Variants in NPAS3 observed in about 807,000 individuals in gnomAD.
NPAS3 encodes neuronal PAS domain-containing protein 3.
In NPAS3, 14 loss-of-function variants were observed where a neutral mutation model predicts 73.1. The ratio of observed to expected loss-of-function variants is 0.19; its 90% CI spans 0.13 to 0.30. NPAS3 has a LOEUF of 0.30. Ranked by LOEUF, NPAS3 falls within the 10% of genes least tolerant of loss-of-function variation. The pLI is 1.00. For synonymous variants in NPAS3, 620 were observed against 541.5 expected (o/e 1.14, Z -2.01); for missense variants, 1,096 against 1,250.0 (o/e 0.88, Z 1.86).
chr14:33,222,927 G>A (rs995069024), intron 3 of NPAS3, among the ~76,000 whole-genome samples: 7 of 152,166 alleles, frequency 4.6e-5, no homozygotes, highest in African/African-American at 7.2e-5. Flanking sequence ...TGGAGTAGGC[G>A]CTAGAAGCAG....
intron 9 of NPAS3, among the ~76,000 whole-genome samples, chr14:33,784,754 T>TTTATTTA (rs2063112465): frequency 1.6e-5 from 2 of 124,372 alleles, no homozygotes; most frequent in South Asian, 2.7e-4. Context: ...TATTTTTTTT[T>TTTATTTA]TTTTTTTTTT....
chr14:33,025,250 T>C (rs1372454106), intron 1 of NPAS3, among the ~76,000 whole-genome samples: 1 of 152,220 alleles, frequency 6.6e-6, no homozygotes, highest in Non-Finnish European at 1.5e-5. Flanking sequence ...TGCTACTGAC[T>C]GGTTGTAAGA....
intron 6 of NPAS3, among the ~76,000 whole-genome samples, chr14:33,694,951 C>T (rs1313005800): frequency 6.6e-6 from 1 of 152,126 alleles, no homozygotes; most frequent in African/African-American, 2.4e-5. Flanking sequence ...ATATGATGCC[C>T]TTGATAGCTT....
At chr14:33,456,292 GT>G (rs1474383158) in intron 4 of NPAS3, among the ~76,000 whole-genome samples, 1 of 152,170 alleles carries the variant, frequency 6.6e-6, no homozygotes, top group Non-Finnish European at 1.5e-5. Context: ...TGACAATCAA[GT>G]TTGTTATAAA....
intron 5 of NPAS3, among the ~76,000 whole-genome samples, chr14:33,577,921 C>T (rs556207860): frequency 2.0e-5 from 3 of 152,194 alleles, no homozygotes; most frequent in Non-Finnish European, 4.4e-5. Context: ...AATCCTCCCC[C>T]CAATTCCAAA....
intron 1 of NPAS3, among the ~76,000 whole-genome samples, chr14:33,049,242 G>A (rs1008976616): frequency 3.9e-5 from 6 of 152,174 alleles, no homozygotes; most frequent in African/African-American, 1.4e-4. Context: ...AGATACTGTG[G>A]TAAGTGTTTT....
chr14:33,083,052 G>A (rs758772750), intron 2 of NPAS3, among the ~76,000 whole-genome samples: 12 of 151,582 alleles, frequency 7.9e-5, no homozygotes, highest in Admixed American at 3.3e-4. Context: ...GTGTGGGGGC[G>A]TGTGCCTGTA....
chr14:33,465,186 G>A (rs1045617738), intron 4 of NPAS3, among the ~76,000 whole-genome samples: 18 of 151,658 alleles, frequency 1.2e-4, no homozygotes, highest in African/African-American at 4.4e-4. Flanking sequence ...TTTTTCCAAG[G>A]CAAAGTTTTC....
chr14:33,558,539 C>T (rs1169450102), intron 4 of NPAS3, among the ~76,000 whole-genome samples: 2 of 152,056 alleles, frequency 1.3e-5, no homozygotes, highest in African/African-American at 4.8e-5. Flanking sequence ...GGATTACAGG[C>T]ATGAGCCACT....
At chr14:33,731,607 C>T (rs906500275) in intron 6 of NPAS3, among the ~76,000 whole-genome samples, 4 of 152,134 alleles carry the variant, frequency 2.6e-5, no homozygotes, top group Admixed American at 6.5e-5. Context: ...TCTTTACCGC[C>T]TCCTGCCCCT....
At chr14:33,373,987 A>G (rs924816824) in intron 4 of NPAS3, among the ~76,000 whole-genome samples, 2 of 152,184 alleles carry the variant, frequency 1.3e-5, no homozygotes, top group Admixed American at 1.3e-4. Context: ...ATCATTTATT[A>G]GTAAAATAAC....
intron 1 of NPAS3, among the ~76,000 whole-genome samples, chr14:32,951,860 C>T (rs1223667825): frequency 6.6e-6 from 1 of 151,244 alleles, no homozygotes; most frequent in Non-Finnish European, 1.5e-5. Context: ...TCTCCTAATT[C>T]TTCTCCTTTA....
At chr14:33,665,454 A>AAAAC (rs1184995132) in intron 5 of NPAS3, among the ~76,000 whole-genome samples, 2 of 152,272 alleles carry the variant, frequency 1.3e-5, no homozygotes, top group Non-Finnish European at 2.9e-5. Context: ...TTAAAAAAAC[A>AAAAC]AAACAAAACA....
chr14:33,170,063 T>C (rs2045330904), intron 2 of NPAS3, among the ~76,000 whole-genome samples: 1 of 152,166 alleles, frequency 6.6e-6, no homozygotes, highest in Non-Finnish European at 1.5e-5. Context: ...GGGTGTACAT[T>C]ATGATAATTT....
chr14:33,735,085 G>T, intron 6 of NPAS3, 129 bp from the exon 7 acceptor site: 1 of 674,098 alleles, frequency 1.5e-6, no homozygotes, highest in Non-Finnish European at 2.7e-6. Context: ...GAGGTAAATT[G>T]ATTACTACTG....
At chr14:33,475,399 A>G (rs2050975398) in intron 4 of NPAS3, among the ~76,000 whole-genome samples, 2 of 152,186 alleles carry the variant, frequency 1.3e-5, no homozygotes, top group Non-Finnish European at 2.9e-5. Flanking sequence ...TTTTCTTTAC[A>G]TCAAAAATCA....
At chr14:33,575,104 C>G (rs145982406) in intron 5 of NPAS3, among the ~76,000 whole-genome samples, 3 of 152,246 alleles carry the variant, frequency 2.0e-5, no homozygotes, top group African/African-American at 7.2e-5. Flanking sequence ...GGTCCTGCCC[C>G]AAGACAAAAA....
At chr14:33,547,252 A>G (rs1209033655) in intron 4 of NPAS3, among the ~76,000 whole-genome samples, 2 of 152,194 alleles carry the variant, frequency 1.3e-5, no homozygotes, top group Non-Finnish European at 2.9e-5. Context: ...AAAGTAGGTC[A>G]TCCTGCTACT....
At chr14:33,445,146 A>G (rs1566909567) in intron 4 of NPAS3, among the ~76,000 whole-genome samples, 1 of 152,216 alleles carries the variant, frequency 6.6e-6, no homozygotes, top group Non-Finnish European at 1.5e-5. Flanking sequence ...TGATCAATAC[A>G]CACCCTCTGT....
Sources: gnomAD v4.1 joint callset for allele counts (sites outside exome capture counted in the v4.1 genomes callset) on GRCh38, gnomAD v4.1.1 for gene constraint, MANE v1.5 for transcripts, NCBI Gene and HGNC (gene_info 2026-07-23, HGNC 2026-07-21) for gene names.